Variants in SDK1 observed in about 807,000 individuals in gnomAD.
SDK1 encodes sidekick cell adhesion molecule 1.
A neutral mutation model predicts 245.5 loss-of-function variants in SDK1; 157 were observed. The observed-to-expected ratio is 0.64, with a 90% CI of 0.56 to 0.73. SDK1 has a LOEUF of 0.73. Among genes scored for constraint, SDK1 ranks in the 30% least tolerant of loss-of-function variants. SDK1 has a pLI of 0.00. For missense variants in SDK1, 3,583 were observed against 3,002.3 expected (o/e 1.19, Z -4.52); for synonymous variants, 1,647 against 1,278.5 (o/e 1.29, Z -6.15).
chr7:3,533,695 C>T (rs750536493), intron 1 of SDK1, among the ~76,000 whole-genome samples: 15 of 152,054 alleles, frequency 9.9e-5, no homozygotes, highest in Non-Finnish European at 1.8e-4. Context: ...CTTTTAAGAA[C>T]TCTTGCTAGT....
intron 4 of SDK1, among the ~76,000 whole-genome samples, chr7:3,705,302 G>A (rs1784852535): frequency 6.6e-6 from 1 of 151,866 alleles, no homozygotes; most frequent in Non-Finnish European, 1.5e-5. Context: ...TCATGATACT[G>A]ATTCTTTCAA....
At position 3,502,281 on chromosome 7, in the gene SDK1, C is replaced by T. The variant is rs73051818; in HGVS notation, c.299-116799C>T. Among the ~76,000 whole-genome samples, 177 of 152,028 alleles carry T rather than the reference C, an allele frequency of 1.2e-3. 2 individuals carry two copies. In the South Asian group the frequency reaches 0.016, roughly 13 times the overall value. Reference sequence around the variant, plus strand: ...AGACAAAGTCTTGCTTAAAGTCTTGCTCTTGGCCACCAGGCTGGAGTGCAG... The same window carrying T: ...AGACAAAGTCTTGCTTAAAGTCTTGTTCTTGGCCACCAGGCTGGAGTGCAG... On this transcript the variant is annotated intron_variant, in intron 1 of 44. Transcript: ENST00000404826.
intron 4 of SDK1, among the ~76,000 whole-genome samples, chr7:3,809,511 A>G (rs1004431813): frequency 1.2e-4 from 18 of 152,312 alleles, no homozygotes; most frequent in Admixed American, 5.2e-4. Flanking sequence ...TCACTCGGCA[A>G]TCGAAAAGAG....
chr7:4,193,044 CA>C (rs1279584516), intron 35 of SDK1, among the ~76,000 whole-genome samples: 1 of 131,924 alleles, frequency 7.6e-6, no homozygotes, highest in Non-Finnish European at 1.6e-5. Flanking sequence ...ATATAAGATA[CA>C]AAAATATATA....
At chr7:4,075,344 A>C (rs1780598611) in intron 20 of SDK1, among the ~76,000 whole-genome samples, 1 of 152,134 alleles carries the variant, frequency 6.6e-6, no homozygotes, top group Non-Finnish European at 1.5e-5. Flanking sequence ...ATTTTTTTCA[A>C]AATATAAAGT....
intron 4 of SDK1, among the ~76,000 whole-genome samples, chr7:3,661,787 A>G (rs1345538099): frequency 2.0e-5 from 3 of 152,128 alleles, no homozygotes; most frequent in Admixed American, 6.5e-5. Context: ...GTGATACCTA[A>G]TAGTTGTGTG....
At chr7:3,341,971 A>T (rs1239259016) in intron 1 of SDK1, among the ~76,000 whole-genome samples, 1 of 152,220 alleles carries the variant, frequency 6.6e-6, no homozygotes, top group Non-Finnish European at 1.5e-5. Context: ...AGAATAACTA[A>T]AACGATCTAG....
In SDK1 at chr7:4,113,361, G is replaced by A. The variant is rs150326097; in HGVS notation, c.3507G>A (p.Leu1169=). 2.2e-5 allele frequency: 36 copies of A among 1,613,742 alleles called. No homozygotes were observed. In the African/African-American group the frequency reaches 3.5e-4, roughly 16 times the overall value. The change falls in exon 24 of 45, where the codon CTG becomes CTA. Residue 1169 remains leucine (L), a synonymous_variant. Transcript: ENST00000404826. ...YSPSSRVIQT[L]QAPPDVAPTS... ...CGTCTTCCCGGGTCATCCAGACCCT[G>A]CAGGCCCCACCCGACGTGGCTCCAA...
intron 20 of SDK1, among the ~76,000 whole-genome samples, chr7:4,074,819 C>T (rs994721649): frequency 1.9e-4 from 28 of 145,370 alleles, no homozygotes; most frequent in Non-Finnish European, 3.3e-4. Flanking sequence ...GCCGTGATCA[C>T]CCCACTGCAC....
At chr7:4,237,310 A>T (rs1786233199) in intron 41 of SDK1, among the ~76,000 whole-genome samples, 2 of 151,930 alleles carry the variant, frequency 1.3e-5, no homozygotes, top group Admixed American at 1.3e-4. Flanking sequence ...AGCAAGCAGG[A>T]AGGGCGGTTT....
chr7:3,705,793 G>A (rs1784870776), intron 4 of SDK1, among the ~76,000 whole-genome samples: 1 of 151,708 alleles, frequency 6.6e-6, no homozygotes, highest in South Asian at 2.1e-4. Flanking sequence ...TTCCAGTACT[G>A]TGTTGAATAG....
intron 1 of SDK1, among the ~76,000 whole-genome samples, chr7:3,363,513 G>A (rs1781008347): frequency 6.6e-6 from 1 of 152,110 alleles, no homozygotes; most frequent in African/African-American, 2.4e-5. Context: ...TTAATTGTAT[G>A]TTTGTTGTTT....
At chr7:3,961,765 A>G (rs916228048) in intron 8 of SDK1, among the ~76,000 whole-genome samples, 1 of 152,206 alleles carries the variant, frequency 6.6e-6, no homozygotes, top group African/African-American at 2.4e-5. Context: ...TGGGATGAAT[A>G]GTGATACTGC....
intron 44 of SDK1, among the ~76,000 whole-genome samples, chr7:4,247,650 G>A (rs1298784061): frequency 5.9e-5 from 9 of 152,214 alleles, no homozygotes; most frequent in East Asian, 1.9e-4. Context: ...GCACCGTGGG[G>A]GTGTCATAGC....
intron 17 of SDK1, among the ~76,000 whole-genome samples, chr7:4,022,068 A>G (rs892030529): frequency 6.6e-6 from 1 of 152,184 alleles, no homozygotes; most frequent in Non-Finnish European, 1.5e-5. Context: ...ACCCCCAGCT[A>G]TTAGCACTGA....
intron 14 of SDK1, among the ~76,000 whole-genome samples, chr7:3,997,663 G>C (rs1784779388): frequency 6.6e-6 from 1 of 152,168 alleles, no homozygotes; most frequent in South Asian, 2.1e-4. Context: ...ATGGCCTTCA[G>C]AGGGGAGGAA....
intron 4 of SDK1, among the ~76,000 whole-genome samples, chr7:3,705,256 G>T (rs111908312): frequency 0.015 from 2,227 of 151,724 alleles, 56 homozygotes; most frequent in African/African-American, 0.049. Context: ...GGAATTGCAT[G>T]CAATCTGTAG....
chr7:4,064,665 G>A (rs1033884488), intron 19 of SDK1, among the ~76,000 whole-genome samples: 7 of 152,144 alleles, frequency 4.6e-5, no homozygotes, highest in South Asian at 2.1e-4. Flanking sequence ...CAACCCAAGC[G>A]TCCATCAGTA....
intron 17 of SDK1, among the ~76,000 whole-genome samples, chr7:4,048,699 G>C (rs1789209380): frequency 6.6e-6 from 1 of 152,212 alleles, no homozygotes; most frequent in East Asian, 1.9e-4. Context: ...CTGCTCTGCA[G>C]AGCATCTGCC....
Sources: allele counts gnomAD v4.1 joint callset (sites outside exome capture counted in the v4.1 genomes callset), GRCh38; gene constraint gnomAD v4.1.1; transcripts MANE v1.5; gene names NCBI Gene and HGNC (gene_info 2026-07-23, HGNC 2026-07-21).